SLC24A2: variants seen among roughly 807,000 people sequenced by gnomAD.
SLC24A2 encodes solute carrier family 24 member 2, also known as sodium/potassium/calcium exchanger 2.
A neutral mutation model predicts 62.0 loss-of-function variants in SLC24A2; 36 were observed. The ratio of observed to expected loss-of-function variants is 0.58; its 90% CI spans 0.44 to 0.77. The LOEUF (loss-of-function observed/expected upper bound fraction) is 0.77. SLC24A2 is among the 30% of genes least tolerant of loss of function. The pLI is 0.00. For missense variants in SLC24A2, 846 were observed against 817.9 expected (o/e 1.03, Z -0.42); for synonymous variants, 358 against 294.0 (o/e 1.22, Z -2.23).
At chr9:20,143,762 T>C in the SLC24A2 span, among the ~76,000 whole-genome samples, 1 of 152,212 alleles carries the variant, frequency 6.6e-6, no homozygotes, top group African/African-American at 2.4e-5. Flanking sequence ...TAAAATTATT[T>C]CCAAATTGGT....
the SLC24A2 span, among the ~76,000 whole-genome samples, chr9:20,112,207 A>G: frequency 6.6e-6 from 1 of 152,296 alleles, no homozygotes; most frequent in South Asian, 2.1e-4. Flanking sequence ...TGTAAACAAG[A>G]TCTCTCTGCC....
At position 19,542,170 on chromosome 9, in the gene SLC24A2, G is replaced by A. The variant is rs180854691; in HGVS notation, c.1479+7967C>T. Among the ~76,000 whole-genome samples, 421 of 152,266 alleles carry A rather than the reference G, an allele frequency of 2.8e-3. 1 individual carries two copies. Among genetic ancestry groups the A allele is most frequent in the Non-Finnish European group, 4.6e-3 (312 of 68,022 alleles). Reference sequence around the variant, plus strand: ...AATGCAGAAATCACCCGTCTTCTGCGTCGCTCACGCTGGGAGCTGTAGACC... The same window carrying A: ...AATGCAGAAATCACCCGTCTTCTGCATCGCTCACGCTGGGAGCTGTAGACC... On this transcript the variant is annotated intron_variant, in intron 8 of 10. Coordinates refer to ENST00000341998, the MANE Select transcript of SLC24A2 (RefSeq NM_020344.4).
At chr9:20,229,105 C>T in the SLC24A2 span, among the ~76,000 whole-genome samples, 1 of 152,116 alleles carries the variant, frequency 6.6e-6, no homozygotes, top group Admixed American at 6.5e-5. Context: ...GGAGTACATA[C>T]AATCCATTTT....
rs566317467 is a variant in SLC24A2 at position 19,509,127 on chromosome 9, TTATC to T, written c.*7022_*7025del. ...CATTTCCCAGGTATATGTTTGCTAA[TTATC>T]TATTTCATTTTCCATATGGGTGAAC... is the stretch of plus-strand genomic sequence containing the variant. On this transcript the variant is annotated 3_prime_UTR_variant, in exon 11 of 11. Transcript: ENST00000341998. 2 of 152,204 alleles carry T rather than the reference TTATC, an allele frequency of 1.3e-5. No individual in the cohort carries two copies. The highest frequency in any genetic ancestry group is 2.4e-5 in the African/African-American group (1 of 41,458). The allele number at this position is 152,204 out of a possible 1,614,324, so 9.4% of individuals were successfully genotyped here.
chr9:19,653,858 C>G (rs936521455), intron 2 of SLC24A2, among the ~76,000 whole-genome samples: 1 of 152,142 alleles, frequency 6.6e-6, no homozygotes, highest in African/African-American at 2.4e-5. Flanking sequence ...AAGTTGCAGC[C>G]TCAGAGCCAA....
chr9:19,893,868 G>A, the SLC24A2 span, among the ~76,000 whole-genome samples: 12 of 152,158 alleles, frequency 7.9e-5, no homozygotes, highest in East Asian at 1.5e-3. Context: ...CCACACAGGG[G>A]TTCTGTCTGA....
chr9:20,138,996 C>A, the SLC24A2 span, among the ~76,000 whole-genome samples: 6 of 152,294 alleles, frequency 3.9e-5, no homozygotes, highest in Middle Eastern at 3.4e-3. Context: ...TTCTCACCCC[C>A]ACTCCTCCCC....
the SLC24A2 span, among the ~76,000 whole-genome samples, chr9:20,256,573 A>G: frequency 1.3e-5 from 2 of 152,100 alleles, no homozygotes; most frequent in African/African-American, 4.8e-5. Flanking sequence ...AACTGTCCCA[A>G]GGGTTCTCTT....
At position 19,636,322 on chromosome 9, in the gene SLC24A2, T is replaced by TC. The variant is rs1554690373; in HGVS notation, c.931-14024dup. ...TTCTTTTCTTTTCTTTTCTTTTCTTTCTTTCTTTCTTTCTTTCTTTCTTTC... is the reference window on the plus strand; with the variant it reads ...TTCTTTTCTTTTCTTTTCTTTTCTTTCCTTTCTTTCTTTCTTTCTTTCTTTC... On this transcript the variant is annotated intron_variant, in intron 2 of 10. Transcript: ENST00000341998. Among the ~76,000 whole-genome samples the TC allele has an allele frequency of 3.9e-3, 119 of 30,554 alleles. 9 individuals carry two copies. Among genetic ancestry groups the TC allele is most frequent in the African/African-American group, 0.013 (109 of 8,252 alleles). The allele number at this position is 30,554 out of a possible 152,430, so 20.0% of individuals were successfully genotyped here. A position where few individuals can be genotyped will look rare whatever the true frequency, so the allele number is the denominator to read the frequency against.
chr9:20,097,843 C>T, the SLC24A2 span, among the ~76,000 whole-genome samples: 2 of 145,546 alleles, frequency 1.4e-5, no homozygotes, highest in Non-Finnish European at 3.0e-5. Context: ...CCCGGGTTTA[C>T]GCCATTCTCC....
At chr9:20,137,479 A>G in the SLC24A2 span, among the ~76,000 whole-genome samples, 32 of 152,166 alleles carry the variant, frequency 2.1e-4, no homozygotes, top group African/African-American at 7.7e-4. Context: ...TCAAATCTTT[A>G]TAGTTTTTGT....
At chr9:19,646,038 T>A (rs964067990) in intron 2 of SLC24A2, among the ~76,000 whole-genome samples, 1 of 152,184 alleles carries the variant, frequency 6.6e-6, no homozygotes, top group African/African-American at 2.4e-5. Context: ...TTTCTATGGA[T>A]GCTAGGAAGA....
In SLC24A2 at chr9:19,632,625, AT is replaced by A. The variant is rs1188702747; in HGVS notation, c.931-10327del. On this transcript the variant is annotated intron_variant, in intron 2 of 10. Coordinates refer to ENST00000341998, the MANE Select transcript of SLC24A2 (RefSeq NM_020344.4). The surrounding 1 kb of genome is among the most constrained non-coding windows in gnomAD (Gnocchi z 4.5). ...TAGGTGGCAGGTATTATTAGGAAAC[AT>A]TTTTAATAACTTCTTATTTGGAAAT... is the stretch of plus-strand genomic sequence containing the variant. Among the ~76,000 whole-genome samples the A allele has an allele frequency of 6.6e-6, 1 of 152,218 alleles. No homozygotes were observed. Among genetic ancestry groups the A allele is most frequent in the East Asian group, 1.9e-4 (1 of 5,200 alleles).
chr9:20,098,877 G>C, the SLC24A2 span, among the ~76,000 whole-genome samples: 1 of 152,192 alleles, frequency 6.6e-6, no homozygotes, highest in Non-Finnish European at 1.5e-5. Context: ...TTTCAGAGGT[G>C]TTCCTAGCTC....
chr9:20,109,176 G>A, the SLC24A2 span, among the ~76,000 whole-genome samples: 6 of 152,190 alleles, frequency 3.9e-5, no homozygotes, highest in Admixed American at 6.6e-5. Flanking sequence ...ACTCTCTGAC[G>A]TTCACAGACA....
At chr9:19,810,675 A>C in the SLC24A2 span, among the ~76,000 whole-genome samples, 1 of 152,234 alleles carries the variant, frequency 6.6e-6, no homozygotes, top group Non-Finnish European at 1.5e-5. Flanking sequence ...TATAAGGAAA[A>C]CCATAATAAA....
the SLC24A2 span, among the ~76,000 whole-genome samples, chr9:19,970,516 C>T: frequency 6.6e-6 from 1 of 152,098 alleles, no homozygotes; most frequent in Non-Finnish European, 1.5e-5. Context: ...AGTCTGCCTC[C>T]AGTAGGAAAG....
intron 2 of SLC24A2, among the ~76,000 whole-genome samples, chr9:19,633,561 G>T (rs987524099): frequency 6.6e-6 from 1 of 152,128 alleles, no homozygotes; most frequent in African/African-American, 2.4e-5. Flanking sequence ...TAAAGACAGT[G>T]TCTCACTATG....
the SLC24A2 span, among the ~76,000 whole-genome samples, chr9:19,898,741 C>CAAA: frequency 4.1e-4 from 40 of 97,234 alleles, no homozygotes; most frequent in African/African-American, 8.4e-4. Flanking sequence ...GACTCCATCT[C>CAAA]AAAAAAAAAA....
Sources: gnomAD v4.1 joint callset for allele counts (sites outside exome capture counted in the v4.1 genomes callset) on GRCh38, gnomAD v4.1.1 for gene constraint, Gnocchi (gnomAD v3.1) non-coding constraint, MANE v1.5 for transcripts, NCBI Gene and HGNC (gene_info 2026-07-23, HGNC 2026-07-21) for gene names.